DHRS3: variants seen among roughly 807,000 people sequenced by gnomAD.
DHRS3 encodes the protein short-chain dehydrogenase/reductase 3.
A neutral mutation model predicts 27.2 loss-of-function variants in DHRS3; 14 were observed. That is an observed-to-expected ratio of 0.52 (90% CI 0.34 to 0.81). The LOEUF (loss-of-function observed/expected upper bound fraction) is 0.81. DHRS3 is among the 30% of genes least tolerant of loss of function. The pLI is 0.01. For missense variants in DHRS3, 322 were observed against 406.2 expected (o/e 0.79, Z 1.78); for synonymous variants, 165 against 175.9 (o/e 0.94, Z 0.49).
rs1646753777 is a variant in DHRS3 at position 12,592,342 on chromosome 1, C to T, written c.196-11676G>A. Among the ~76,000 whole-genome samples, 1 of 152,108 alleles carries T rather than the reference C, an allele frequency of 6.6e-6. No individual in the cohort carries two copies. The highest frequency in any genetic ancestry group is 2.4e-5 in the African/African-American group (1 of 41,408). Reference sequence around the variant, plus strand: ...AAAGAGGGTCTTTGGAATTGAGTAGCTGTAATTGAGTTGGGGATCTCAAAG... The same window carrying T: ...AAAGAGGGTCTTTGGAATTGAGTAGTTGTAATTGAGTTGGGGATCTCAAAG... On this transcript the variant is annotated intron_variant, in intron 1 of 5. Coordinates refer to ENST00000616661, the MANE Select transcript of DHRS3 (RefSeq NM_004753.7). This position sits in a 1 kb window ranked among gnomAD's most constrained non-coding sequence, Gnocchi z 4.2.
chr1:12,602,327 C>T (rs1557529650), intron 1 of DHRS3, among the ~76,000 whole-genome samples: 1 of 151,956 alleles, frequency 6.6e-6, no homozygotes, highest in Non-Finnish European at 1.5e-5. Context: ...GGCTGTGCCA[C>T]GGGTCATCTC....
intron 3 of DHRS3, 126 bp from the exon 4 acceptor site, chr1:12,579,082 G>C (rs776006184): frequency 8.3e-5 from 102 of 1,229,902 alleles, no homozygotes; most frequent in Non-Finnish European, 1.1e-4. Flanking sequence ...TCCTGCGAGG[G>C]AGAGGGCCGA....
rs1424458741 is a variant in DHRS3, at chr1:12,574,423, T to G, written c.699-1570A>C. On this transcript the variant is annotated intron_variant, in intron 4 of 5. Transcript: ENST00000616661. This position sits in a 1 kb window ranked among gnomAD's most constrained non-coding sequence, Gnocchi z 4.6. ...CTGAAGTGATTCCCCTGCCTCAGCCTCCCAAAGCACTGGGATTACTGGTGT... is the reference window on the plus strand; with the variant it reads ...CTGAAGTGATTCCCCTGCCTCAGCCGCCCAAAGCACTGGGATTACTGGTGT... 1.3e-5 allele frequency among the ~76,000 whole-genome samples: 2 copies of G among 152,154 alleles called. No individual in the cohort carries two copies. Among genetic ancestry groups the G allele is most frequent in the African/African-American group, 4.8e-5 (2 of 41,414 alleles).
At chr1:12,572,320 A>G (rs1186299574) in intron 5 of DHRS3, among the ~76,000 whole-genome samples, 1 of 151,860 alleles carries the variant, frequency 6.6e-6, no homozygotes, top group Non-Finnish European at 1.5e-5. Flanking sequence ...GGCGCCCACC[A>G]CCATGCCCAG....
intron 1 of DHRS3, among the ~76,000 whole-genome samples, chr1:12,610,205 A>G (rs1646897757): frequency 6.6e-6 from 1 of 151,522 alleles, no homozygotes; most frequent in Admixed American, 6.6e-5. Context: ...CAGACTCCCA[A>G]GTAGCTGGGA....
chr1:12,588,487 A>G (rs1422665230), intron 1 of DHRS3, among the ~76,000 whole-genome samples: 1 of 152,128 alleles, frequency 6.6e-6, no homozygotes, highest in Admixed American at 6.5e-5. Context: ...TGCTAACACT[A>G]GTCTTTTTTC....
At chr1:12,580,405 G>A (rs755672164) in intron 2 of DHRS3, 118 bp downstream of exon 2, 50 of 1,466,420 alleles carry the variant, frequency 3.4e-5, no homozygotes, top group South Asian at 2.1e-4. Flanking sequence ...AAGGTGCCCC[G>A]GGCAAAGCCA....
Position 12,568,386 on chromosome 1 carries a change from A to T in DHRS3, c.863T>A (p.Phe288Tyr). 6.2e-7 allele frequency: 1 copy of T among 1,613,860 alleles called. No homozygotes were observed. Among genetic ancestry groups the T allele is most frequent in the Non-Finnish European group, 8.5e-7 (1 of 1,179,824 alleles). The change falls in exon 6 of 6, where the codon TTC (phenylalanine) becomes TAC (tyrosine). Residue 288 changes from phenylalanine (F) to tyrosine (Y), a missense_variant. Physicochemically the swap from Phe to Tyr is conservative, Grantham distance 22. Transcript: ENST00000616661. Reference sequence around the variant, plus strand: ...GTTCATGCAGGTGTAGGTTCCTGAGAATTTGTGGATCTCCTCGAGTGCAGC... The same window carrying T: ...GTTCATGCAGGTGTAGGTTCCTGAGTATTTGTGGATCTCCTCGAGTGCAGC... ...PQAALEEIHKFSGTYTCMNTF... is the reference protein window; with the variant it reads ...PQAALEEIHKYSGTYTCMNTF...
chr1:12,602,871 C>A (rs1175975482), intron 1 of DHRS3, among the ~76,000 whole-genome samples: 2 of 152,266 alleles, frequency 1.3e-5, no homozygotes, highest in Non-Finnish European at 2.9e-5. Flanking sequence ...CTGGCCGGAG[C>A]CGGCCTCTAC....
intron 1 of DHRS3, among the ~76,000 whole-genome samples, chr1:12,610,329 T>C (rs1646900731): frequency 6.6e-6 from 1 of 151,696 alleles, no homozygotes; most frequent in Non-Finnish European, 1.5e-5. Context: ...TGACCTCAAG[T>C]GTTCCGCCTG....
chr1:12,611,842 AG>A (rs1476261556), intron 1 of DHRS3, among the ~76,000 whole-genome samples: 10 of 151,976 alleles, frequency 6.6e-5, no homozygotes, highest in Non-Finnish European at 1.5e-4. Context: ...CTGTAATCCC[AG>A]CACTTTGGAA....
At position 12,617,946 on chromosome 1, in the gene DHRS3, T is replaced by C. The variant is rs1034063785; in HGVS notation, c.-598A>G. ...AAAGTCTCCCGACTCATTGCTATTC[T>C]TGGGCTCAGGAAATTGCTTAAACGC... On this transcript the variant is annotated 5_prime_UTR_variant, in exon 1 of 6. Coordinates refer to ENST00000616661, the MANE Select transcript of DHRS3 (RefSeq NM_004753.7). Among the ~76,000 whole-genome samples, 5 of 149,102 alleles carry C rather than the reference T, an allele frequency of 3.4e-5. No homozygotes were observed. The highest frequency in any genetic ancestry group is 1.0e-4 in the African/African-American group (4 of 40,158).
At position 12,578,664 on chromosome 1, in the gene DHRS3, C is replaced by G; in HGVS notation, c.698+54G>C. On this transcript the variant is annotated intron_variant, in intron 4 of 5. Coordinates refer to ENST00000616661, the MANE Select transcript of DHRS3 (RefSeq NM_004753.7). The surrounding 1 kb of genome is among the most constrained non-coding windows in gnomAD (Gnocchi z 4.5). ...TTTCTGCAGTTGGCTGACTGAATGG[C>G]TTGGGGAGGCAGGTGAGAAGGCTGG... is the stretch of plus-strand genomic sequence containing the variant. The G allele has an allele frequency of 6.5e-7, 1 of 1,546,050 alleles. No individual in the cohort carries two copies. The highest frequency in any genetic ancestry group is 8.9e-7 in the Non-Finnish European group (1 of 1,120,710).
chr1:12,587,229 AT>A (rs1646704512), intron 1 of DHRS3, among the ~76,000 whole-genome samples: 1 of 145,046 alleles, frequency 6.9e-6, no homozygotes, highest in Non-Finnish European at 1.5e-5. Context: ...TGCAGCCTCC[AT>A]TTCCTGGGCT....
chr1:12,606,796 C>T (rs1646874977), intron 1 of DHRS3, among the ~76,000 whole-genome samples: 1 of 151,972 alleles, frequency 6.6e-6, no homozygotes, highest in South Asian at 2.1e-4. Context: ...TGCCCAGCTG[C>T]TTTCAACAAA....
chr1:12,579,919 G>A (rs922890157), intron 2 of DHRS3: 3 of 180,856 alleles, frequency 1.7e-5, no homozygotes, highest in African/African-American at 2.4e-5. Context: ...CCTAGTTCCA[G>A]TTATCCTGCA....
At chr1:12,570,114 A>G (rs1279286485) in intron 5 of DHRS3, 3 of 152,332 alleles carry the variant, frequency 2.0e-5, no homozygotes, top group African/African-American at 7.2e-5. Context: ...GCCCACAGGC[A>G]GCTCAGAGAT....
Position 12,568,409 on chromosome 1 carries a change from A to C in DHRS3, c.840T>G (p.Ala280=), listed in dbSNP as rs201158847. 6.9e-5 allele frequency: 111 copies of C among 1,613,552 alleles called. No individual in the cohort carries two copies. Among genetic ancestry groups the C allele is most frequent in the Non-Finnish European group, 8.9e-5 (105 of 1,179,666 alleles). ...LVILKSILPQ[A]ALEEIHKFSG... ...AGAATTTGTGGATCTCCTCGAGTGC[A>C]GCCTGTGGAAGTATGCTGGAGTAGG... Residue 280 remains alanine, a synonymous_variant, in exon 6 of 6, where the codon GCT becomes GCG. Transcript: ENST00000616661.
chr1:12,597,138 G>A (rs958865520), intron 1 of DHRS3, among the ~76,000 whole-genome samples: 1 of 152,048 alleles, frequency 6.6e-6, no homozygotes, highest in African/African-American at 2.4e-5. Flanking sequence ...GTGCAGTGGC[G>A]CGATCTCGGC....
Sources: gnomAD v4.1 joint callset for allele counts (sites outside exome capture counted in the v4.1 genomes callset) on GRCh38, gnomAD v4.1.1 for gene constraint, Gnocchi (gnomAD v3.1) non-coding constraint, MANE v1.5 for transcripts, NCBI Gene and HGNC (gene_info 2026-07-23, HGNC 2026-07-21) for gene names.